Variants in ZCCHC7 observed in about 807,000 individuals in gnomAD.
The protein encoded by ZCCHC7 is zinc finger CCHC-type containing 7, also known as zinc finger CCHC domain-containing protein 7.
In ZCCHC7, 35 loss-of-function variants were observed where a neutral mutation model predicts 52.0. That is an observed-to-expected ratio of 0.67 (90% CI 0.51 to 0.89). The LOEUF is 0.89. Ranked by LOEUF, ZCCHC7 falls within the 40% of genes least tolerant of loss-of-function variation. The pLI, the probability that ZCCHC7 is intolerant of heterozygous loss-of-function variation, is 0.00. For synonymous variants in ZCCHC7, 217 were observed against 221.5 expected (o/e 0.98, Z 0.18); for missense variants, 574 against 649.1 (o/e 0.88, Z 1.26).
At chr9:37,290,767 A>G (rs930225096) in intron 2 of ZCCHC7, among the ~76,000 whole-genome samples, 1 of 152,232 alleles carries the variant, frequency 6.6e-6, no homozygotes, top group African/African-American at 2.4e-5. Flanking sequence ...CTGTTTCAGA[A>G]TTACTGTGTG....
intron 2 of ZCCHC7, among the ~76,000 whole-genome samples, chr9:37,292,939 G>A (rs975562245): frequency 6.6e-6 from 1 of 152,156 alleles, no homozygotes; most frequent in African/African-American, 2.4e-5. Flanking sequence ...CAAAGTACTG[G>A]CTTGGAAAGA....
At chr9:37,147,804 T>C (rs1454986924) in intron 2 of ZCCHC7, among the ~76,000 whole-genome samples, 1 of 152,058 alleles carries the variant, frequency 6.6e-6, no homozygotes, top group African/African-American at 2.4e-5. Flanking sequence ...TTTGTGGCTT[T>C]TGAATGAAAA....
chr9:37,286,232 C>G (rs925163517), intron 2 of ZCCHC7, among the ~76,000 whole-genome samples: 2 of 152,232 alleles, frequency 1.3e-5, no homozygotes, highest in South Asian at 2.1e-4. Flanking sequence ...TTTGAGCCCT[C>G]TAGTCTGCCA....
intron 6 of ZCCHC7, among the ~76,000 whole-genome samples, chr9:37,336,894 C>G (rs1490898859): frequency 6.6e-6 from 1 of 152,126 alleles, no homozygotes. Context: ...TAAATGGTTT[C>G]TTTGTAAACC....
At chr9:37,301,769 C>T (rs1336364802) in intron 2 of ZCCHC7, among the ~76,000 whole-genome samples, 1 of 152,182 alleles carries the variant, frequency 6.6e-6, no homozygotes, top group East Asian at 1.9e-4. Flanking sequence ...AGGGTTGTGA[C>T]AGCTGCCTCA....
intron 1 of ZCCHC7, among the ~76,000 whole-genome samples, chr9:37,125,587 G>A (rs1055771681): frequency 6.6e-6 from 1 of 152,204 alleles, no homozygotes; most frequent in Non-Finnish European, 1.5e-5. Flanking sequence ...CATAATTGAA[G>A]TAATATTCCT....
chr9:37,346,199 C>T (rs566740275), intron 6 of ZCCHC7, among the ~76,000 whole-genome samples: 158 of 152,194 alleles, frequency 1.0e-3, no homozygotes, highest in African/African-American at 3.6e-3. Context: ...AATGAGGCTT[C>T]TCTATGTTGG....
chr9:37,277,770 A>G (rs182230113), intron 2 of ZCCHC7, among the ~76,000 whole-genome samples: 2 of 152,348 alleles, frequency 1.3e-5, no homozygotes, highest in South Asian at 2.1e-4. Flanking sequence ...CAAGTTCTGC[A>G]TATAAATGAT....
intron 2 of ZCCHC7, among the ~76,000 whole-genome samples, chr9:37,197,752 G>A (rs993038519): frequency 5.9e-5 from 9 of 151,722 alleles, no homozygotes; most frequent in African/African-American, 2.2e-4. Flanking sequence ...TTGATGTTTT[G>A]TTAAAAAAAA....
At position 37,252,506 on chromosome 9, in the gene ZCCHC7, G is replaced by A. The variant is rs116730131; in HGVS notation, c.611-49682G>A. On this transcript the variant is annotated intron_variant, in intron 2 of 8. Transcript: ENST00000336755. ...AATTTCATCCCTTCTATTGTCCCCCGGATATTTTAAGAAATTACTTATAGT... is the reference window on the plus strand; with the variant it reads ...AATTTCATCCCTTCTATTGTCCCCCAGATATTTTAAGAAATTACTTATAGT... Among the ~76,000 whole-genome samples, 545 of 152,020 alleles carry A rather than the reference G, an allele frequency of 3.6e-3. 4 individuals are homozygous for A. The highest frequency in any genetic ancestry group is 0.012 in the African/African-American group (503 of 41,476).
At chr9:37,294,903 A>G (rs191990312) in intron 2 of ZCCHC7, among the ~76,000 whole-genome samples, 9 of 152,326 alleles carry the variant, frequency 5.9e-5, no homozygotes, top group Admixed American at 5.2e-4. Context: ...GAAAATATAG[A>G]TAAGATGCTT....
At chr9:37,220,985 C>T (rs1055728295) in intron 2 of ZCCHC7, among the ~76,000 whole-genome samples, 1 of 152,182 alleles carries the variant, frequency 6.6e-6, no homozygotes, top group Admixed American at 6.5e-5. Context: ...GTAGAGTTGT[C>T]TCTTCAAGCA....
chr9:37,153,597 G>A (rs547729129), intron 2 of ZCCHC7, among the ~76,000 whole-genome samples: 17 of 151,772 alleles, frequency 1.1e-4, no homozygotes, highest in African/African-American at 4.1e-4. Flanking sequence ...TAAGGTATGA[G>A]CCACTGCACC....
chr9:37,205,211 A>G (rs547507050), intron 2 of ZCCHC7: 2 of 381,082 alleles, frequency 5.2e-6, no homozygotes, highest in South Asian at 2.5e-5. Context: ...CGTGCAGGGT[A>G]ACATTGTAGA....
chr9:37,347,423 C>T (rs888732092), intron 6 of ZCCHC7, among the ~76,000 whole-genome samples: 1 of 152,118 alleles, frequency 6.6e-6, no homozygotes, highest in Admixed American at 6.6e-5. Context: ...AATTGAGGTT[C>T]TTGCTATTAA....
chr9:37,338,245 A>G (rs1310234525), intron 6 of ZCCHC7, among the ~76,000 whole-genome samples: 1 of 152,328 alleles, frequency 6.6e-6, no homozygotes, highest in East Asian at 1.9e-4. Context: ...TCATTTTTAT[A>G]AAACTCGTGC....
chr9:37,170,096 T>A (rs1043251488), intron 2 of ZCCHC7, among the ~76,000 whole-genome samples: 11 of 151,852 alleles, frequency 7.2e-5, no homozygotes, highest in Non-Finnish European at 1.6e-4. Context: ...AATAAAAAAG[T>A]CTACCCTAAC....
intron 2 of ZCCHC7, among the ~76,000 whole-genome samples, chr9:37,196,949 T>C (rs1158229822): frequency 6.6e-6 from 1 of 152,160 alleles, no homozygotes. Context: ...TGGGTAGTAT[T>C]TTAGTCATTA....
intron 2 of ZCCHC7, among the ~76,000 whole-genome samples, chr9:37,232,260 T>G (rs964849897): frequency 1.3e-5 from 2 of 152,200 alleles, no homozygotes; most frequent in Admixed American, 1.3e-4. Context: ...ATAGGTGTCT[T>G]GTCAAAATTT....
Sources: allele counts gnomAD v4.1 joint callset (sites outside exome capture counted in the v4.1 genomes callset), GRCh38; gene constraint gnomAD v4.1.1; transcripts MANE v1.5; gene names NCBI Gene and HGNC (gene_info 2026-07-23, HGNC 2026-07-21).